ZNF536: variants seen among roughly 807,000 people sequenced by gnomAD.
ZNF536 encodes zinc finger protein 536.
A neutral mutation model predicts 84.5 loss-of-function variants in ZNF536; 13 were observed. The ratio of observed to expected loss-of-function variants is 0.15; its 90% CI spans 0.10 to 0.24. The LOEUF is 0.24. ZNF536 is among the 10% of genes least tolerant of loss of function. The pLI is 1.00. For missense variants in ZNF536, 1,536 were observed against 1,747.5 expected (o/e 0.88, Z 2.16); for synonymous variants, 811 against 742.5 (o/e 1.09, Z -1.50).
intron 1 of ZNF536, among the ~76,000 whole-genome samples, chr19:30,645,141 T>C (rs904716306): frequency 3.3e-5 from 5 of 152,248 alleles, no homozygotes; most frequent in Non-Finnish European, 4.4e-5. Flanking sequence ...TTTTTTCATG[T>C]GTCTTTTGCC....
chr19:30,241,663 A>G (rs1416039632), intron 1 of ZNF536, among the ~76,000 whole-genome samples: 1 of 152,192 alleles, frequency 6.6e-6, no homozygotes, highest in Admixed American at 6.5e-5. Context: ...CGGGCTTCCT[A>G]TCTCCTCTCT....
intron 2 of ZNF536, among the ~76,000 whole-genome samples, chr19:30,340,035 C>T (rs552727452): frequency 2.6e-5 from 4 of 152,248 alleles, no homozygotes; most frequent in South Asian, 2.1e-4. Context: ...GTCCTGGGCC[C>T]GGGCAGGCCG....
At chr19:30,346,009 C>T (rs1240069852) in intron 2 of ZNF536, among the ~76,000 whole-genome samples, 1 of 152,228 alleles carries the variant, frequency 6.6e-6, no homozygotes, top group Non-Finnish European at 1.5e-5. Flanking sequence ...AGCTGGCATG[C>T]ACCCCAGATG....
At chr19:30,673,297 C>T (rs1045246138) in intron 1 of ZNF536, among the ~76,000 whole-genome samples, 1 of 152,124 alleles carries the variant, frequency 6.6e-6, no homozygotes, top group Non-Finnish European at 1.5e-5. Flanking sequence ...CATGACATCA[C>T]TGTTGTTTCA....
intron 2 of ZNF536, among the ~76,000 whole-genome samples, chr19:30,287,646 ATGGG>A (rs1568306109): frequency 1.0e-4 from 11 of 104,826 alleles, no homozygotes; most frequent in African/African-American, 4.4e-4. Flanking sequence ...GGGTGGATGG[ATGGG>A]TGGGTGGATG....
intron 1 of ZNF536, among the ~76,000 whole-genome samples, chr19:30,602,194 G>C (rs552845370): frequency 6.6e-6 from 1 of 152,350 alleles, no homozygotes; most frequent in East Asian, 1.9e-4. Context: ...ATTCACATCT[G>C]CTCATGTGAT....
intron 1 of ZNF536, among the ~76,000 whole-genome samples, chr19:30,631,592 T>C (rs954193840): frequency 2.6e-5 from 4 of 152,112 alleles, no homozygotes; most frequent in Non-Finnish European, 5.9e-5. Context: ...CACCATTACT[T>C]AGGAAGGAAA....
chr19:30,536,499 T>C (rs972501222), intron 3 of ZNF536, among the ~76,000 whole-genome samples: 2 of 152,206 alleles, frequency 1.3e-5, no homozygotes, highest in African/African-American at 4.8e-5. Context: ...TTTGCACAGG[T>C]GGCAATATTG....
At chr19:30,696,191 T>C (rs1249013105) in intron 1 of ZNF536, among the ~76,000 whole-genome samples, 1 of 152,186 alleles carries the variant, frequency 6.6e-6, no homozygotes, top group African/African-American at 2.4e-5. Flanking sequence ...AAATTACCTT[T>C]GAAGCCGGTT....
intron 2 of ZNF536, among the ~76,000 whole-genome samples, chr19:30,503,922 T>C (rs2055052285): frequency 8.7e-6 from 1 of 114,330 alleles, no homozygotes; most frequent in South Asian, 2.3e-4. Context: ...CTTCTCTCTC[T>C]TTTTTTTTAA....
intron 1 of ZNF536, among the ~76,000 whole-genome samples, chr19:30,591,493 G>A (rs1012465408): frequency 2.4e-4 from 36 of 152,176 alleles, no homozygotes; most frequent in African/African-American, 8.4e-4. Context: ...ATCAGATCTT[G>A]TGAGATTTAT....
chr19:30,396,851 C>T (rs1227188610), intron 1 of ZNF536, among the ~76,000 whole-genome samples: 3 of 152,218 alleles, frequency 2.0e-5, no homozygotes, highest in East Asian at 3.9e-4. Flanking sequence ...GTGATCTGCC[C>T]GCCTTGGCCT....
chr19:30,306,139 G>A (rs963247000), intron 2 of ZNF536, among the ~76,000 whole-genome samples: 12 of 150,910 alleles, frequency 8.0e-5, no homozygotes, highest in African/African-American at 2.7e-4. Context: ...TTTTTCAAAA[G>A]GTCAGTGGCT....
At chr19:30,291,095 G>A (rs367544356) in intron 2 of ZNF536, among the ~76,000 whole-genome samples, 6 of 152,188 alleles carry the variant, frequency 3.9e-5, no homozygotes, top group African/African-American at 1.4e-4. Context: ...TCATTGATGG[G>A]CATTTTGGTT....
chr19:30,629,809 C>A (rs2048823575), intron 1 of ZNF536, among the ~76,000 whole-genome samples: 1 of 152,346 alleles, frequency 6.6e-6, no homozygotes, highest in African/African-American at 2.4e-5. Flanking sequence ...CCTTCTGGGG[C>A]CGGGCAGGGG....
In ZNF536 at chr19:30,548,588, C is replaced by G. The variant is rs139982659; in HGVS notation, c.2969C>G (p.Ser990Cys). The G allele has an allele frequency of 1.9e-6, 3 of 1,614,172 alleles. No individual in the cohort carries two copies. Among genetic ancestry groups the G allele is most frequent in the Non-Finnish European group, 2.5e-6 (3 of 1,180,034 alleles). ...CCAGATGCCGCCTCCCTCCCGGGCTCCTCGGTAACTGTGCAGGACAGCATT... is the reference window on the plus strand; with the variant it reads ...CCAGATGCCGCCTCCCTCCCGGGCTGCTCGGTAACTGTGCAGGACAGCATT... Reference protein sequence around the residue: ...VRPDAASLPGSSVTVQDSIAW... With the variant: ...VRPDAASLPGCSVTVQDSIAW... Residue 990 changes from serine to cysteine, a missense_variant, in exon 4 of 5, where the codon TCC (serine) becomes TGC (cysteine). Transcript: ENST00000355537.
At chr19:30,238,246 C>T (rs2023680719) in intron 1 of ZNF536, among the ~76,000 whole-genome samples, 1 of 152,208 alleles carries the variant, frequency 6.6e-6, no homozygotes, top group African/African-American at 2.4e-5. Context: ...ATTCCTCCTT[C>T]CTTCCTGGCT....
chr19:30,631,599 G>A (rs1389030152), intron 1 of ZNF536, among the ~76,000 whole-genome samples: 2 of 152,158 alleles, frequency 1.3e-5, no homozygotes, highest in East Asian at 3.9e-4. Flanking sequence ...ACTTAGGAAG[G>A]AAAGGGTGGG....
At chr19:30,662,728 C>T (rs1023627405) in intron 1 of ZNF536, among the ~76,000 whole-genome samples, 8 of 151,928 alleles carry the variant, frequency 5.3e-5, no homozygotes, top group African/African-American at 1.9e-4. Flanking sequence ...AGCCATTTCC[C>T]CATGTTAATG....
Sources: gnomAD v4.1 joint callset for allele counts (sites outside exome capture counted in the v4.1 genomes callset) on GRCh38, gnomAD v4.1.1 for gene constraint, MANE v1.5 for transcripts, NCBI Gene and HGNC (gene_info 2026-07-23, HGNC 2026-07-21) for gene names.